The following ATP13A4 variants were observed in gnomAD, a reference collection of about 807,000 sequenced individuals.
The protein encoded by ATP13A4 is probable cation-transporting ATPase 13A4.
A neutral mutation model predicts 142.5 loss-of-function variants in ATP13A4; 114 were observed. The ratio of observed to expected loss-of-function variants is 0.80; its 90% CI spans 0.69 to 0.93. The LOEUF (loss-of-function observed/expected upper bound fraction) is 0.93, where lower values mean the gene tolerates loss of function less well. ATP13A4 is among the 40% of genes least tolerant of loss of function. ATP13A4 has a pLI of 0.00. For missense variants in ATP13A4, 1,392 were observed against 1,454.0 expected (o/e 0.96, Z 0.69); for synonymous variants, 488 against 514.8 (o/e 0.95, Z 0.70).
At chr3:193,576,068 C>A (rs573362867) in intron 2 of ATP13A4, among the ~76,000 whole-genome samples, 1 of 152,014 alleles carries the variant, frequency 6.6e-6, no homozygotes, top group African/African-American at 2.4e-5. Context: ...TAGCCATCCG[C>A]AAGGAAGAAT....
intron 1 of ATP13A4, among the ~76,000 whole-genome samples, chr3:193,526,858 T>C (rs1486722169): frequency 6.6e-6 from 1 of 152,184 alleles, no homozygotes; most frequent in Non-Finnish European, 1.5e-5. Flanking sequence ...CAGTGTTCTG[T>C]CTTCTGACTT....
At chr3:193,418,030 G>C (rs1204527101) in intron 25 of ATP13A4, among the ~76,000 whole-genome samples, 1 of 140,600 alleles carries the variant, frequency 7.1e-6, no homozygotes, top group African/African-American at 2.6e-5. Context: ...GCTGAGGCAG[G>C]AGAATGGCGT....
intron 2 of ATP13A4, among the ~76,000 whole-genome samples, chr3:193,570,201 T>C (rs2108740782): frequency 6.6e-6 from 1 of 152,172 alleles, no homozygotes; most frequent in Non-Finnish European, 1.5e-5. Context: ...TAATTCCGGC[T>C]ACTCAGGAGA....
At chr3:193,410,457 A>G (rs1714710810) in intron 28 of ATP13A4, among the ~76,000 whole-genome samples, 1 of 152,240 alleles carries the variant, frequency 6.6e-6, no homozygotes, top group South Asian at 2.1e-4. Flanking sequence ...TTAAGCCTGT[A>G]AGCCTAGCGC....
chr3:193,467,616 A>G lies in ATP13A4; in HGVS notation c.944-130T>C. 7.9e-6 allele frequency: 7 copies of G among 881,088 alleles called. 1 individual carries two copies. The South Asian group carries it at 8.1e-5, about 10-fold the overall frequency. The allele number at this position is 881,088 out of a possible 1,614,324, so 54.6% of individuals were successfully genotyped here. On this transcript the variant is annotated intron_variant, in intron 9 of 29. Transcript: ENST00000342695. ...CCATGTGGCAGAGACAACCCTAGGT[A>G]TTGGGGATACAAGCATAAACATAGT...
chr3:193,431,459 A>G (rs1456621115), intron 25 of ATP13A4, among the ~76,000 whole-genome samples: 1 of 152,026 alleles, frequency 6.6e-6, no homozygotes, highest in South Asian at 2.1e-4. Flanking sequence ...GCTGGTTGAG[A>G]TTACTTATGG....
intron 8 of ATP13A4, among the ~76,000 whole-genome samples, chr3:193,482,271 AC>A (rs962686042): frequency 2.6e-5 from 4 of 152,208 alleles, no homozygotes; most frequent in Non-Finnish European, 4.4e-5. Context: ...TCGAAAAAAA[AC>A]AAAAACAAAA....
Position 193,466,059 on chromosome 3 carries a change from A to G in ATP13A4, c.1238T>C (p.Met413Thr). ...LCLVGTATIG[M>T]IYTLCVYVLS... is the part of the protein sequence containing the mutation. ...CACATAGACACACAGAGTATAGATC[A>G]TCCCAATGGTGGCTGTTCCTACAAG... Residue 413 changes from methionine to threonine, a missense_variant, in exon 11 of 30, where the codon ATG (methionine) becomes ACG (threonine). Transcript: ENST00000342695. The G allele has an allele frequency of 1.2e-6, 2 of 1,614,134 alleles. No homozygotes were observed. The highest frequency in any genetic ancestry group is 2.2e-5 in the South Asian group (2 of 91,074).
chr3:193,465,027 C>CT lies in ATP13A4; in HGVS notation c.1373dup (p.Arg459GlufsTer12), dbSNP rs1302674458. The CT allele has an allele frequency of 1.2e-6, 2 of 1,614,014 alleles. No homozygotes were observed. Among genetic ancestry groups the CT allele is most frequent in the Non-Finnish European group, 8.5e-7 (1 of 1,180,042 alleles). ...AGATGCCTCTCTTCTTCAGCCTCCT[C>CT]TGGGCATAGATAATGCCTGTGGTCA... On this transcript the variant is annotated frameshift_variant, in exon 12 of 30. Coordinates refer to ENST00000342695, the MANE Select transcript of ATP13A4 (RefSeq NM_032279.4). LOFTEE classifies it high-confidence loss of function.
chr3:193,506,999 C>A (rs898898889), intron 2 of ATP13A4, among the ~76,000 whole-genome samples: 2 of 152,164 alleles, frequency 1.3e-5, no homozygotes, highest in African/African-American at 4.8e-5. Flanking sequence ...ACAATAAGAA[C>A]CTCATCCCTT....
intron 1 of ATP13A4, among the ~76,000 whole-genome samples, chr3:193,526,159 T>C (rs1721990751): frequency 6.6e-6 from 1 of 152,156 alleles, no homozygotes; most frequent in Non-Finnish European, 1.5e-5. Flanking sequence ...CACAAAATAA[T>C]ATAGTCAAAT....
intron 1 of ATP13A4, among the ~76,000 whole-genome samples, chr3:193,524,935 A>T (rs1721916934): frequency 1.3e-5 from 2 of 152,178 alleles, no homozygotes; most frequent in Non-Finnish European, 2.9e-5. Flanking sequence ...TCTCTAGCAC[A>T]TCATCCTATT....
chr3:193,570,998 C>T (rs1289516111), intron 2 of ATP13A4, among the ~76,000 whole-genome samples: 1 of 152,122 alleles, frequency 6.6e-6, no homozygotes, highest in Non-Finnish European at 1.5e-5. Flanking sequence ...AAGTATCTGG[C>T]CAGGTGTGGT....
At chr3:193,501,631 T>C (rs900641309) in intron 3 of ATP13A4, among the ~76,000 whole-genome samples, 2 of 144,394 alleles carry the variant, frequency 1.4e-5, no homozygotes, top group Non-Finnish European at 3.0e-5. Flanking sequence ...CAATTGACAA[T>C]AGGAAAATTG....
chr3:193,531,410 G>A (rs1445025907), intron 1 of ATP13A4, among the ~76,000 whole-genome samples: 6 of 150,478 alleles, frequency 4.0e-5, no homozygotes, highest in Non-Finnish European at 8.9e-5. Context: ...GGGAAAGGAA[G>A]GAAGGAAGGA....
At chr3:193,519,910 G>T (rs1357311571) in intron 1 of ATP13A4, among the ~76,000 whole-genome samples, 1 of 152,016 alleles carries the variant, frequency 6.6e-6, no homozygotes, top group Non-Finnish European at 1.5e-5. Context: ...CTCCAAAAGT[G>T]CTGGGATTAC....
intron 13 of ATP13A4, among the ~76,000 whole-genome samples, chr3:193,460,242 T>C (rs1717876196): frequency 6.6e-6 from 1 of 152,224 alleles, no homozygotes; most frequent in African/African-American, 2.4e-5. Context: ...CAGGCCTCCC[T>C]CTCACCTTCC....
chr3:193,426,114 A>C (rs1715647164), intron 25 of ATP13A4, among the ~76,000 whole-genome samples: 1 of 151,830 alleles, frequency 6.6e-6, no homozygotes, highest in African/African-American at 2.4e-5. Flanking sequence ...CTACATACTG[A>C]AAATCTTAAG....
At chr3:193,571,304 A>C (rs1219441497) in intron 2 of ATP13A4, among the ~76,000 whole-genome samples, 1 of 149,388 alleles carries the variant, frequency 6.7e-6, no homozygotes, top group Admixed American at 6.6e-5. Flanking sequence ...AATATCCATG[A>C]GTTCAAAGAG....
Sources: gnomAD v4.1 joint callset for allele counts (sites outside exome capture counted in the v4.1 genomes callset) on GRCh38, gnomAD v4.1.1 for gene constraint, MANE v1.5 for transcripts, NCBI Gene and HGNC (gene_info 2026-07-23, HGNC 2026-07-21) for gene names.